The following ADAP1 variants were observed in gnomAD, a reference collection of about 807,000 sequenced individuals.
ADAP1 encodes arf-GAP with dual PH domain-containing protein 1.
ADAP1 carries 31 observed loss-of-function variants against 54.9 expected under a neutral mutation model. The observed-to-expected ratio is 0.56, with a 90% CI of 0.42 to 0.76. The LOEUF is 0.76. Among genes scored for constraint, ADAP1 ranks in the 30% least tolerant of loss-of-function variants. The pLI is 0.00. For missense variants in ADAP1, 535 were observed against 512.4 expected, an observed-to-expected ratio of 1.04 and a Z score of -0.42; for synonymous variants, 313 against 202.6, an observed-to-expected ratio of 1.55 and a Z score of -4.63.
chr7:953,784 C>T (rs1473944392), intron 1 of ADAP1, among the ~76,000 whole-genome samples: 1 of 152,232 alleles, frequency 6.6e-6, no homozygotes, highest in African/African-American at 2.4e-5. Flanking sequence ...GGATGCCCGG[C>T]CGGGAGAACG....
At chr7:906,672 CATGGACAG>C (rs1845408411) in intron 4 of ADAP1, among the ~76,000 whole-genome samples, 2 of 77,098 alleles carry the variant, frequency 2.6e-5, no homozygotes, top group Non-Finnish European at 4.7e-5. Context: ...GGAAAGGGGA[CATGGACAG>C]GGGACACGGG....
chr7:911,481 C>G (rs985837244), intron 4 of ADAP1, among the ~76,000 whole-genome samples: 4 of 152,144 alleles, frequency 2.6e-5, no homozygotes, highest in African/African-American at 7.2e-5. Context: ...ACACAGGGGC[C>G]CCAGCGCCCA....
chr7:924,087 A>G (rs1249290284), intron 3 of ADAP1, among the ~76,000 whole-genome samples: 3 of 32,034 alleles, frequency 9.4e-5, no homozygotes, highest in African/African-American at 2.4e-4. Context: ...TCCACGCTGC[A>G]CCCCCCGCCC....
At chr7:953,030 G>A (rs1048253536) in intron 1 of ADAP1, among the ~76,000 whole-genome samples, 2 of 152,112 alleles carry the variant, frequency 1.3e-5, no homozygotes, top group Admixed American at 6.5e-5. Flanking sequence ...TGTGTGGCCA[G>A]GGAGCAGAGG....
At chr7:906,760 A>ATGGAGGAC (rs1465137157) in intron 4 of ADAP1, among the ~76,000 whole-genome samples, 1 of 24,244 alleles carries the variant, frequency 4.1e-5, no homozygotes, top group Admixed American at 4.3e-4. Flanking sequence ...GGACATGGAC[A>ATGGAGGAC]GGGGACATGG....
At chr7:929,851 C>T (rs899757434) in intron 2 of ADAP1, among the ~76,000 whole-genome samples, 1 of 152,012 alleles carries the variant, frequency 6.6e-6, no homozygotes, top group Admixed American at 6.6e-5. Flanking sequence ...AGCCTGTAAT[C>T]CCAGCGCTTG....
intron 2 of ADAP1, 84 bp downstream of exon 2, chr7:935,291 G>C (rs1846716389): frequency 6.7e-7 from 1 of 1,503,734 alleles, no homozygotes; most frequent in South Asian, 1.2e-5. Context: ...CCACAGCCAG[G>C]CCGCCCGGCA....
chr7:928,032 A>G (rs1477281284), intron 2 of ADAP1, among the ~76,000 whole-genome samples: 1 of 142,996 alleles, frequency 7.0e-6, no homozygotes, highest in Non-Finnish European at 1.5e-5. Flanking sequence ...CCTGGGCAAC[A>G]TAGTGAGACC....
intron 1 of ADAP1, among the ~76,000 whole-genome samples, chr7:947,214 G>GTTTTTTTTT (rs373444087): frequency 1.2e-5 from 1 of 84,176 alleles, no homozygotes. Context: ...TGATTTTTTG[G>GTTTTTTTTT]TTTTTTTTTT....
chr7:905,041 ACC>A lies in ADAP1; in HGVS notation c.501+17_501+18del, dbSNP rs756333721. ...CCGCCCTGGGACAGGCCCCCACCCC[ACC>A]CCCGTCTGTGACTCACATCATTTCT... is the stretch of plus-strand genomic sequence containing the variant. On this transcript the variant is annotated intron_variant, in intron 5 of 10. Transcript: ENST00000265846. 2.2e-5 allele frequency: 35 copies of A among 1,601,248 alleles called. No homozygotes were observed. Among genetic ancestry groups the A allele is most frequent in the African/African-American group, 1.3e-4 (10 of 74,756 alleles).
intron 1 of ADAP1, among the ~76,000 whole-genome samples, chr7:941,438 GAACT>G (rs1236692676): frequency 1.3e-5 from 2 of 152,072 alleles, no homozygotes; most frequent in African/African-American, 2.4e-5. Context: ...ACAACTATGA[GAACT>G]AACAAGTTTA....
intron 2 of ADAP1, among the ~76,000 whole-genome samples, chr7:934,235 G>A (rs1451212067): frequency 2.5e-5 from 1 of 40,570 alleles, no homozygotes; most frequent in Admixed American, 2.4e-4. Context: ...GTCAGTGGTG[G>A]TGCAGAGCCG....
chr7:899,560 C>T, intron 8 of ADAP1, 70 bp from the exon 9 acceptor site: 2 of 1,537,922 alleles, frequency 1.3e-6, no homozygotes, highest in Non-Finnish European at 1.8e-6. Context: ...GACCACAGCA[C>T]ACCCCGGAGG....
At chr7:948,775 C>A (rs1027768339) in intron 1 of ADAP1, among the ~76,000 whole-genome samples, 1 of 152,194 alleles carries the variant, frequency 6.6e-6, no homozygotes, top group Non-Finnish European at 1.5e-5. Flanking sequence ...CGGCTCTCTG[C>A]AACCTCTGCC....
chr7:927,790 C>T (rs541229089), intron 2 of ADAP1, among the ~76,000 whole-genome samples: 3 of 152,088 alleles, frequency 2.0e-5, no homozygotes, highest in African/African-American at 7.2e-5. Flanking sequence ...ACGAGAGCCT[C>T]GACCCGAGAC....
At chr7:921,135 G>A (rs1172126902) in intron 3 of ADAP1, among the ~76,000 whole-genome samples, 3 of 152,200 alleles carry the variant, frequency 2.0e-5, no homozygotes, top group African/African-American at 4.8e-5. Flanking sequence ...AGATCAAGGC[G>A]TCGGCCGAGC....
intron 2 of ADAP1, among the ~76,000 whole-genome samples, chr7:928,774 T>TC (rs1198518005): frequency 6.6e-6 from 1 of 152,210 alleles, no homozygotes; most frequent in Non-Finnish European, 1.5e-5. Context: ...CCGGCTCTGG[T>TC]GACTAACAGT....
At position 926,276 on chromosome 7, in the gene ADAP1, G is replaced by A. The variant is rs1304653618; in HGVS notation, c.305+277C>T. Among the ~76,000 whole-genome samples, 7 of 151,230 alleles carry A rather than the reference G, an allele frequency of 4.6e-5. No individual in the cohort carries two copies. The highest frequency in any genetic ancestry group is 3.0e-5 in the Non-Finnish European group (2 of 67,702). On this transcript the variant is annotated intron_variant, in intron 3 of 10. Coordinates refer to ENST00000265846, the MANE Select transcript of ADAP1 (RefSeq NM_006869.4). The surrounding 1 kb of genome is among the most constrained non-coding windows in gnomAD (Gnocchi z 4.6). ...CTGGGAGGGCCCCTCAGATCCACCC[G>A]AGACCCCCAAGGCCTCAGCGAACCT...
intron 1 of ADAP1, among the ~76,000 whole-genome samples, chr7:949,259 C>G (rs1847212346): frequency 6.6e-6 from 1 of 152,252 alleles, no homozygotes; most frequent in African/African-American, 2.4e-5. Flanking sequence ...CCCCCGGGCA[C>G]ATGAGCACAT....
Sources: gnomAD v4.1 joint callset for allele counts (sites outside exome capture counted in the v4.1 genomes callset) on GRCh38, gnomAD v4.1.1 for gene constraint, Gnocchi (gnomAD v3.1) non-coding constraint, MANE v1.5 for transcripts, NCBI Gene and HGNC (gene_info 2026-07-23, HGNC 2026-07-21) for gene names.